The following PRPS1 variants were observed in gnomAD, a reference collection of about 807,000 sequenced individuals.
PRPS1 encodes the protein phosphoribosyl pyrophosphate synthetase 1.
In PRPS1, 1 loss-of-function variant was observed where a neutral mutation model predicts 16.9. The observed-to-expected ratio is 0.06, with a 90% CI of 0.02 to 0.28. The LOEUF is 0.28. Ranked by LOEUF, PRPS1 falls within the 10% of genes least tolerant of loss-of-function variation. PRPS1 has a pLI of 1.00. For missense variants in PRPS1, 47 were observed against 254.0 expected, an observed-to-expected ratio of 0.19 and a Z score of 5.54; for synonymous variants, 70 against 90.2, an observed-to-expected ratio of 0.78 and a Z score of 1.27.
intron 1 of PRPS1, among the ~76,000 whole-genome samples, chrX:107,635,856 C>T (rs1381958147): frequency 3.7e-5 from 4 of 108,001 alleles, no homozygotes; most frequent in African/African-American, 1.4e-4. Flanking sequence ...GTCAAGAGAT[C>T]GAGACCATCC....
chrX:107,636,200 G>C (rs1569437830), intron 1 of PRPS1, among the ~76,000 whole-genome samples: 1 of 110,132 alleles, frequency 9.1e-6, no homozygotes, highest in Non-Finnish European at 1.9e-5. Context: ...TCCCCATACT[G>C]CAACCTCCGC....
Position 107,645,257 on chromosome X carries a change from G to A in PRPS1, c.611G>A (p.Arg204His), listed in dbSNP as rs1169615098. 14 of 1,210,713 alleles carry A rather than the reference G, an allele frequency of 1.2e-5. No homozygotes were observed. In the Admixed American group the frequency reaches 1.7e-4, roughly 15 times the overall value. Residue 204 changes from arginine (R) to histidine (H), a missense_variant, in exon 5 of 7, where the codon CGC becomes CAC. Arg to His is a conservative substitution (Grantham distance 29). Coordinates refer to ENST00000372435, the MANE Select transcript of PRPS1 (RefSeq NM_002764.4). ...KERKKANEVD[R>H]MVLVGDVKDR... is the part of the protein sequence containing the mutation. ...CGGAAGAAGGCCAATGAAGTGGACC[G>A]CATGGTGCTTGTGGGAGATGTGAAG...
intron 1 of PRPS1, among the ~76,000 whole-genome samples, chrX:107,632,964 CTTATT>C (rs1176168750): frequency 8.9e-6 from 1 of 111,891 alleles, no homozygotes; most frequent in Admixed American, 9.6e-5. Flanking sequence ...CTTGCACCAC[CTTATT>C]TTATTTATGT....
At chrX:107,634,375 C>T (rs1453105965) in intron 1 of PRPS1, among the ~76,000 whole-genome samples, 2 of 107,291 alleles carry the variant, frequency 1.9e-5, no homozygotes, top group African/African-American at 3.4e-5. Context: ...CCACCACGCC[C>T]AGCTAATGGC....
At chrX:107,644,376 T>C (rs1925641854) in intron 4 of PRPS1, among the ~76,000 whole-genome samples, 1 of 111,569 alleles carries the variant, frequency 9.0e-6, no homozygotes, top group Non-Finnish European at 1.9e-5. Context: ...AGGGAAGTGA[T>C]GAGGACACAG....
Position 107,645,128 on chromosome X carries a change from C to A in PRPS1, c.531-49C>A, listed in dbSNP as rs765338783. ...CGCCCCCGGCCTCTTTAGTCCATTT[C>A]TTTTGTCTTAGAAGCCACACATACA... On this transcript the variant is annotated intron_variant, in intron 4 of 6. Coordinates refer to ENST00000372435, the MANE Select transcript of PRPS1 (RefSeq NM_002764.4). 1.4e-5 allele frequency: 17 copies of A among 1,198,832 alleles called. No individual in the cohort carries two copies. In the East Asian group the frequency reaches 1.5e-4, roughly 10 times the overall value.
chrX:107,650,332 G>T lies in PRPS1; in HGVS notation c.*300G>T. Reference sequence around the variant, plus strand: ...TTGAGGATGTTGTGTGAGGGTGTTTGACTGTGACTGGGGAAGCTCAGACTA... The same window carrying T: ...TTGAGGATGTTGTGTGAGGGTGTTTTACTGTGACTGGGGAAGCTCAGACTA... On this transcript the variant is annotated 3_prime_UTR_variant, in exon 7 of 7. Transcript: ENST00000372435. 1 of 431,238 alleles carries T rather than the reference G, an allele frequency of 2.3e-6. No individual in the cohort carries two copies. The highest frequency in any genetic ancestry group is 4.0e-6 in the Non-Finnish European group (1 of 251,380). 35.5% of individuals were successfully genotyped at this position (431,238 alleles called of 1,213,427 possible).
chrX:107,637,135 T>C (rs1270576832), intron 1 of PRPS1, among the ~76,000 whole-genome samples: 1 of 112,201 alleles, frequency 8.9e-6, no homozygotes, highest in Non-Finnish European at 1.9e-5. Context: ...CTTTTTTTTT[T>C]CTTAAACCTG....
In PRPS1 at chrX:107,642,407, G is replaced by T. The variant is rs80338730; in HGVS notation, c.447G>T (p.Pro149=). ...DIPVDNLYAE[P]AVLKWIRENI... ...CAGTAGACAATTTGTATGCAGAGCC[G>T]GCTGTCCTAAAGTGGATAAGGGAGA... Residue 149 remains proline, a synonymous_variant, in exon 4 of 7, where the codon CCG becomes CCT. Transcript: ENST00000372435. 3 of 1,211,590 alleles carry T rather than the reference G, an allele frequency of 2.5e-6. No homozygotes were observed. Among genetic ancestry groups the T allele is most frequent in the South Asian group, 3.5e-5 (2 of 56,999 alleles).
chrX:107,645,083 G>A, intron 4 of PRPS1, 94 bp from the exon 5 acceptor site: 1 of 1,025,232 alleles, frequency 9.8e-7, no homozygotes, highest in Non-Finnish European at 1.4e-6. Context: ...CAAAGTGCTG[G>A]GATTACAGGC....
At chrX:107,640,277 G>A (rs755633573) in intron 2 of PRPS1, among the ~76,000 whole-genome samples, 11 of 109,424 alleles carry the variant, frequency 1.0e-4, no homozygotes, top group Non-Finnish European at 1.5e-4. Flanking sequence ...AGGAGGCAGA[G>A]GTTGCAGTGA....
chrX:107,630,097 A>G (rs1925276583), intron 1 of PRPS1: 2 of 112,279 alleles, frequency 1.8e-5, no homozygotes, highest in Non-Finnish European at 3.8e-5. Flanking sequence ...TGCAAATGAT[A>G]GTGTAAACAT....
rs181077764 is a variant in PRPS1, at chrX:107,639,029, C to T, written c.123-266C>T. ...GGATTATAGGCATGAGCCACTGCGC[C>T]CAGCCCTGCCATATACTTTAAATCA... On this transcript the variant is annotated intron_variant, in intron 1 of 6. Transcript: ENST00000372435. Among the ~76,000 whole-genome samples the T allele has an allele frequency of 2.4e-4, 27 of 112,526 alleles. No individual in the cohort carries two copies. The East Asian group carries it at 6.9e-3, about 29-fold the overall frequency.
rs745787879 is a variant in PRPS1 at position 107,645,769 on chromosome X, T to C, written c.704+419T>C. 7.2e-5 allele frequency among the ~76,000 whole-genome samples: 8 copies of C among 111,855 alleles called. No homozygotes were observed. The East Asian group carries it at 2.2e-3, about 31-fold the overall frequency. On this transcript the variant is annotated intron_variant, in intron 5 of 6. Transcript: ENST00000372435. ...AGACAGGTGTGTGTGCTCATATTTT[T>C]ATTTTACCTAAGCCGGAACCCTTGG...
Position 107,650,169 on chromosome X carries a change from C to T in PRPS1, c.*137C>T, listed in dbSNP as rs1126445. The T allele has an allele frequency of 2.9e-4, 313 of 1,079,020 alleles. No individual in the cohort carries two copies. Among genetic ancestry groups the T allele is most frequent in the Admixed American group, 4.2e-4 (16 of 37,701 alleles). 88.9% of individuals were successfully genotyped at this position (1,079,020 alleles called of 1,213,427 possible). A position where few individuals can be genotyped will look rare whatever the true frequency, so the allele number is the denominator to read the frequency against. ...ACATCCCACATCAGGTATATTAGAG[C>T]TTATCCGAACTGGGGAAAGACGGAT... is the stretch of plus-strand genomic sequence containing the variant. On this transcript the variant is annotated 3_prime_UTR_variant, in exon 7 of 7. Coordinates refer to ENST00000372435, the MANE Select transcript of PRPS1 (RefSeq NM_002764.4).
In PRPS1 at chrX:107,630,119, A is replaced by G. The variant is rs1175819802; in HGVS notation, c.122+1369A>G. 4 of 112,129 alleles carry G rather than the reference A, an allele frequency of 3.6e-5. No individual in the cohort carries two copies. In the East Asian group the frequency reaches 1.1e-3, roughly 31 times the overall value. 9.2% of individuals were successfully genotyped at this position (112,129 alleles called of 1,213,427 possible). A position where few individuals can be genotyped will look rare whatever the true frequency, so the allele number is the denominator to read the frequency against. On this transcript the variant is annotated intron_variant, in intron 1 of 6. Transcript: ENST00000372435. ...GATAGTGTAAACATTGCCATCTGTA[A>G]CCAGGCAATACCTTAGTTAAAAGAG...
chrX:107,630,948 A>G (rs1197108519), intron 1 of PRPS1, among the ~76,000 whole-genome samples: 1 of 111,958 alleles, frequency 8.9e-6, no homozygotes, highest in Non-Finnish European at 1.9e-5. Context: ...TAATAAGTAC[A>G]ACAGTAAATG....
chrX:107,628,579 T>G lies in PRPS1; in HGVS notation c.-50T>G, dbSNP rs772406932. ...TCTGTGGCCGACTTCGGTTCCGGTCTCTGCAGCAGCCGTGATCGCTTAGTG... is the reference window on the plus strand; with the variant it reads ...TCTGTGGCCGACTTCGGTTCCGGTCGCTGCAGCAGCCGTGATCGCTTAGTG... On this transcript the variant is annotated 5_prime_UTR_variant, in exon 1 of 7. Coordinates refer to ENST00000372435, the MANE Select transcript of PRPS1 (RefSeq NM_002764.4). 5 of 1,210,951 alleles carry G rather than the reference T, an allele frequency of 4.1e-6. No individual in the cohort carries two copies. The South Asian group carries it at 8.8e-5, about 21-fold the overall frequency.
At chrX:107,639,973 T>C (rs1925535372) in intron 2 of PRPS1, among the ~76,000 whole-genome samples, 2 of 112,827 alleles carry the variant, frequency 1.8e-5, no homozygotes, top group Non-Finnish European at 3.7e-5. Context: ...GCAAGTCTAT[T>C]GTAATTAATG....
Sources: allele counts gnomAD v4.1 joint callset (sites outside exome capture counted in the v4.1 genomes callset), GRCh38; gene constraint gnomAD v4.1.1; transcripts MANE v1.5; gene names NCBI Gene and HGNC (gene_info 2026-07-23, HGNC 2026-07-21).